The following PIPOX variants were observed in gnomAD, a reference collection of about 807,000 sequenced individuals.
The protein encoded by PIPOX is peroxisomal sarcosine oxidase.
A neutral mutation model predicts 47.9 loss-of-function variants in PIPOX; 45 were observed. The observed-to-expected ratio is 0.94, with a 90% confidence interval of 0.74 to 1.20. The LOEUF is 1.20. Ranked by LOEUF, PIPOX falls within the 50% of genes most tolerant of loss-of-function variation. PIPOX has a pLI of 0.00. For synonymous variants in PIPOX, 165 were observed against 191.3 expected (o/e 0.86, Z 1.13); for missense variants, 458 against 498.4 (o/e 0.92, Z 0.77).
chr17:29,047,481 C>A (rs1424969773), intron 2 of PIPOX, among the ~76,000 whole-genome samples: 1 of 152,094 alleles, frequency 6.6e-6, no homozygotes, highest in Non-Finnish European at 1.5e-5. Flanking sequence ...GGTTGGCCAG[C>A]TTTATCTATA....
In PIPOX at chr17:29,051,981, C is replaced by T. The variant is rs747162640; in HGVS notation, c.264-939C>T. The stretch of plus-strand genomic sequence containing the variant: ...GGAACCATCAGTTGTTCAACAGGCA[C>T]GTTACAGAGGAGGAATCTGGGCCCA... On this transcript the variant is annotated intron_variant, in intron 2 of 7. Transcript: ENST00000323372. The T allele has an allele frequency of 7.0e-5, 33 of 470,948 alleles. 2 individuals are homozygous for T. Among genetic ancestry groups the T allele is most frequent in the South Asian group, 4.2e-4 (27 of 64,556 alleles). 29.2% of individuals were successfully genotyped at this position (470,948 alleles called of 1,614,324 possible).
At chr17:29,044,792 G>A (rs748370041) in intron 1 of PIPOX, 67 bp from the exon 2 acceptor site, 10 of 1,496,784 alleles carry the variant, frequency 6.7e-6, no homozygotes, top group Non-Finnish European at 9.0e-6. Context: ...TGCTGATATG[G>A]CTCTTAACAG....
In PIPOX at chr17:29,043,289, A is replaced by G; in HGVS notation, c.64A>G (p.Thr22Ala). 7 of 1,613,722 alleles carry G rather than the reference A, an allele frequency of 4.3e-6. No homozygotes were observed. The highest frequency in any genetic ancestry group is 5.9e-6 in the Non-Finnish European group (7 of 1,179,820). ...TGGGGCGGGGATCCAGGGCTGCTTC[A>G]CTGCATACCACCTGGCCAAACACAG... ...VIGAGIQGCF[T>A]AYHLAKHRKR... The change falls in exon 1 of 8, where the codon ACT (threonine) becomes GCT (alanine). Residue 22 changes from threonine to alanine, a missense_variant. Physicochemically the swap from Thr to Ala is moderately conservative, Grantham distance 58. Coordinates refer to ENST00000323372, the MANE Select transcript of PIPOX (RefSeq NM_016518.3).
Position 29,055,901 on chromosome 17 carries a change from TG to T in PIPOX, c.1042+19del, listed in dbSNP as rs1424477709. The T allele has an allele frequency of 1.2e-6, 2 of 1,610,824 alleles. No individual in the cohort carries two copies. Among genetic ancestry groups the T allele is most frequent in the Non-Finnish European group, 1.7e-6 (2 of 1,177,018 alleles). On this transcript the variant is annotated intron_variant, in intron 7 of 7. Coordinates refer to ENST00000323372, the MANE Select transcript of PIPOX (RefSeq NM_016518.3). Reference sequence around the variant, plus strand: ...GCTGGATTCTCTGGTGAGTCTGAGCTGGGGGGAATGGGGTGCCTTAAAGCTG... The same window carrying T: ...GCTGGATTCTCTGGTGAGTCTGAGCTGGGGGAATGGGGTGCCTTAAAGCTG...
At chr17:29,050,474 G>C (rs564082577) in intron 2 of PIPOX, among the ~76,000 whole-genome samples, 1 of 151,250 alleles carries the variant, frequency 6.6e-6, no homozygotes, top group Non-Finnish European at 1.5e-5. Flanking sequence ...CAGAAGGATC[G>C]CTTGAGGCCG....
Position 29,043,301 on chromosome 17 carries a change from C to T in PIPOX, c.76C>T (p.Leu26=). 6.2e-7 allele frequency: 1 copy of T among 1,613,872 alleles called. No individual in the cohort carries two copies. Residue 26 remains leucine (L), a synonymous_variant, in exon 1 of 8, where the codon CTG becomes TTG. Transcript: ENST00000323372. ...GIQGCFTAYH[L]AKHRKRILLL... is the part of the protein sequence containing the mutation. The stretch of plus-strand genomic sequence containing the variant: ...CCAGGGCTGCTTCACTGCATACCAC[C>T]TGGCCAAACACAGGAAGAGGATCCT...
intron 2 of PIPOX, among the ~76,000 whole-genome samples, chr17:29,051,780 G>A (rs1189163935): frequency 6.6e-6 from 1 of 152,208 alleles, no homozygotes; most frequent in African/African-American, 2.4e-5. Context: ...TTCTGCATGA[G>A]AACACCACTG....
At chr17:29,054,930 C>A in intron 5 of PIPOX, 133 bp from the exon 6 acceptor site, 1 of 1,273,772 alleles carries the variant, frequency 7.9e-7, no homozygotes, top group Non-Finnish European at 1.1e-6. Flanking sequence ...AGGTGACAGC[C>A]CACAGCACCT....
At chr17:29,048,470 AACAG>A (rs1651617765) in intron 2 of PIPOX, among the ~76,000 whole-genome samples, 1 of 152,226 alleles carries the variant, frequency 6.6e-6, no homozygotes, top group South Asian at 2.1e-4. Flanking sequence ...ATATTCTGGG[AACAG>A]ACAATGACAC....
At position 29,053,596 on chromosome 17, in the gene PIPOX, G is replaced by A; in HGVS notation, c.660+1G>A. Reference sequence around the variant, plus strand: ...CCTGGGCATTGAGATGCCTCTCCAGGTAAGAGGAGCTGGAAGCCCGAGAGT... The same window carrying A: ...CCTGGGCATTGAGATGCCTCTCCAGATAAGAGGAGCTGGAAGCCCGAGAGT... On this transcript the variant is annotated splice_donor_variant, in intron 4 of 7. Coordinates refer to ENST00000323372, the MANE Select transcript of PIPOX (RefSeq NM_016518.3). LOFTEE classifies it high-confidence loss of function. 6.3e-7 allele frequency: 1 copy of A among 1,575,540 alleles called. No homozygotes were observed.
In PIPOX at chr17:29,043,199, T is replaced by C. The variant is rs1247863701; in HGVS notation, c.-27T>C. On this transcript the variant is annotated 5_prime_UTR_variant, in exon 1 of 8. Coordinates refer to ENST00000323372, the MANE Select transcript of PIPOX (RefSeq NM_016518.3). ...CTTTGCTTGCCTTTGCCTTTGAGGC[T>C]CTGTGGCTGTGGGGCTGAGTGGCAT... 2.6e-6 allele frequency: 4 copies of C among 1,564,680 alleles called. No homozygotes were observed. The highest frequency in any genetic ancestry group is 3.5e-6 in the Non-Finnish European group (4 of 1,138,108).
At chr17:29,056,120 G>A (rs1317876041) in intron 7 of PIPOX, 55 bp from the exon 8 acceptor site, 2 of 1,607,078 alleles carry the variant, frequency 1.2e-6, no homozygotes, top group East Asian at 4.5e-5. Flanking sequence ...GGGATGTCCA[G>A]AGAGCTCAAC....
At chr17:29,050,484 G>A (rs959622246) in intron 2 of PIPOX, among the ~76,000 whole-genome samples, 10 of 152,106 alleles carry the variant, frequency 6.6e-5, no homozygotes, top group Admixed American at 2.6e-4. Flanking sequence ...GCTTGAGGCC[G>A]GGAGTTTGAG....
At chr17:29,047,889 T>C (rs1044967019) in intron 2 of PIPOX, among the ~76,000 whole-genome samples, 19 of 152,208 alleles carry the variant, frequency 1.2e-4, no homozygotes, top group Admixed American at 1.0e-3. Flanking sequence ...AGACTGCTAC[T>C]ATGCATTTAA....
rs557214698 is a variant in PIPOX, at chr17:29,054,868, C to T, written c.807+177C>T. 3.3e-5 allele frequency among the ~76,000 whole-genome samples: 5 copies of T among 152,302 alleles called. No homozygotes were observed. The South Asian group carries it at 8.3e-4, about 25-fold the overall frequency. ...TGCCCTGAGGCCCAGCAAAAGGAGCCCTTCCTTTGCAAACATAGGGTGGTT... is the reference window on the plus strand; with the variant it reads ...TGCCCTGAGGCCCAGCAAAAGGAGCTCTTCCTTTGCAAACATAGGGTGGTT... On this transcript the variant is annotated intron_variant, in intron 5 of 7. Transcript: ENST00000323372.
At position 29,056,307 on chromosome 17, in the gene PIPOX, C is replaced by T. The variant is rs1434413540; in HGVS notation, c.*2C>T. On this transcript the variant is annotated 3_prime_UTR_variant, in exon 8 of 8. Coordinates refer to ENST00000323372, the MANE Select transcript of PIPOX (RefSeq NM_016518.3). ...AGCCTGGGCAAAGCCCACCTTTGAC[C>T]TCTGGCCAGAAGCCTCCCTTCTGTG... The T allele has an allele frequency of 1.9e-6, 3 of 1,614,086 alleles. No homozygotes were observed. The highest frequency in any genetic ancestry group is 2.5e-6 in the Non-Finnish European group (3 of 1,180,028).
At chr17:29,051,179 C>G (rs2065804720) in intron 2 of PIPOX, among the ~76,000 whole-genome samples, 1 of 152,158 alleles carries the variant, frequency 6.6e-6, no homozygotes, top group East Asian at 1.9e-4. Context: ...ATCTGAAGTC[C>G]TTTTGGGGGC....
At chr17:29,054,451 T>C in intron 4 of PIPOX, 94 bp from the exon 5 acceptor site, 1 of 1,392,266 alleles carries the variant, frequency 7.2e-7, no homozygotes, top group South Asian at 1.2e-5. Context: ...TCCAGGCTTG[T>C]GTTAGAGGGC....
chr17:29,054,986 T>C lies in PIPOX; in HGVS notation c.808-77T>C, dbSNP rs1201249037. 34 of 1,562,982 alleles carry C rather than the reference T, an allele frequency of 2.2e-5. No homozygotes were observed. The East Asian group carries it at 7.4e-4, about 34-fold the overall frequency. ...GAATGATGGATGGGGCTGTCCTGTG[T>C]ACACGCCTGCCCTTCGGCTGTGGGT... is the stretch of plus-strand genomic sequence containing the variant. On this transcript the variant is annotated intron_variant, in intron 5 of 7. Coordinates refer to ENST00000323372, the MANE Select transcript of PIPOX (RefSeq NM_016518.3).
Sources: gnomAD v4.1 joint callset for allele counts (sites outside exome capture counted in the v4.1 genomes callset) on GRCh38, gnomAD v4.1.1 for gene constraint, MANE v1.5 for transcripts, NCBI Gene and HGNC (gene_info 2026-07-23, HGNC 2026-07-21) for gene names.